Variants in DPP10 observed in about 807,000 individuals in gnomAD.
DPP10 encodes the protein inactive dipeptidyl peptidase 10.
In DPP10, 33 loss-of-function variants were observed where a neutral mutation model predicts 120.9. The ratio of observed to expected loss-of-function variants is 0.27; its 90% CI spans 0.21 to 0.37. DPP10 has a LOEUF of 0.37. Among genes scored for constraint, DPP10 ranks in the 10% least tolerant of loss-of-function variants. The pLI is 1.00. For missense variants in DPP10, 816 were observed against 942.8 expected, an observed-to-expected ratio of 0.87 and a Z score of 1.76; for synonymous variants, 337 against 326.1, an observed-to-expected ratio of 1.03 and a Z score of -0.36.
chr2:115,513,765 G>A (rs2077357176), intron 4 of DPP10, among the ~76,000 whole-genome samples: 1 of 151,902 alleles, frequency 6.6e-6, no homozygotes, highest in South Asian at 2.1e-4. Context: ...ATGCAGCTAT[G>A]TTCTAAAACA....
chr2:114,445,873 G>A (rs1293859989), intron 1 of DPP10, among the ~76,000 whole-genome samples: 1 of 152,100 alleles, frequency 6.6e-6, no homozygotes, highest in Non-Finnish European at 1.5e-5. Flanking sequence ...GAGTCAAATA[G>A]GGGTGCCAAG....
chr2:115,395,004 C>G (rs1462386617), intron 3 of DPP10, among the ~76,000 whole-genome samples: 1 of 152,152 alleles, frequency 6.6e-6, no homozygotes. Context: ...TCATTGTAGA[C>G]AAAAGTTTAT....
intron 19 of DPP10, among the ~76,000 whole-genome samples, chr2:115,810,122 A>C (rs1226671994): frequency 6.6e-6 from 1 of 151,868 alleles, no homozygotes; most frequent in African/African-American, 2.4e-5. Context: ...AGATCGCACC[A>C]CTGCACTCCA....
At chr2:115,105,548 C>G (rs1343915920) in intron 1 of DPP10, among the ~76,000 whole-genome samples, 1 of 152,110 alleles carries the variant, frequency 6.6e-6, no homozygotes, top group Non-Finnish European at 1.5e-5. Flanking sequence ...AGCACCAAGT[C>G]ATTCATGAGG....
intron 1 of DPP10, among the ~76,000 whole-genome samples, chr2:114,709,875 G>A (rs1700912835): frequency 6.6e-6 from 1 of 152,164 alleles, no homozygotes; most frequent in Non-Finnish European, 1.5e-5. Context: ...TTGGAAGGAT[G>A]AGAGCTTTAA....
intron 1 of DPP10, among the ~76,000 whole-genome samples, chr2:115,274,919 G>T (rs978008975): frequency 6.6e-6 from 1 of 152,134 alleles, no homozygotes; most frequent in Non-Finnish European, 1.5e-5. Flanking sequence ...TCTTCTGTAA[G>T]ATCACTTGTG....
chr2:115,590,782 C>T (rs1470571940), intron 5 of DPP10, among the ~76,000 whole-genome samples: 4 of 152,212 alleles, frequency 2.6e-5, no homozygotes, highest in African/African-American at 9.6e-5. Context: ...AAAGTCCCAC[C>T]AGCAGTGTAA....
In DPP10 at chr2:114,497,264, TACATGTACATGTATAC is replaced by T. The variant is rs1682662934; in HGVS notation, c.60+54427_60+54442del. ...ACATGTGTATGCATGTACGTGTGTA[TACATGTACATGTATAC>T]GTGTATACATGTACATGTATACGTG... On this transcript the variant is annotated intron_variant, in intron 1 of 25. Coordinates refer to ENST00000410059, the MANE Select transcript of DPP10 (RefSeq NM_020868.6). Among the ~76,000 whole-genome samples the T allele has an allele frequency of 6.9e-5, 7 of 101,154 alleles. No homozygotes were observed. In the Admixed American group the frequency reaches 7.6e-4, roughly 11 times the overall value. 66.4% of individuals were successfully genotyped at this position (101,154 alleles called of 152,430 possible). A position where few individuals can be genotyped will look rare whatever the true frequency, so the allele number is the denominator to read the frequency against.
intron 2 of DPP10, among the ~76,000 whole-genome samples, chr2:115,339,025 C>T (rs982053273): frequency 7.9e-5 from 12 of 152,198 alleles, no homozygotes; most frequent in Admixed American, 7.9e-4. Flanking sequence ...AACTTACAGA[C>T]TGGAGGGAAA....
chr2:114,658,643 G>T (rs1401662280), intron 1 of DPP10, among the ~76,000 whole-genome samples: 1 of 152,116 alleles, frequency 6.6e-6, no homozygotes, highest in Admixed American at 6.6e-5. Flanking sequence ...ACACATATAA[G>T]ACTGCAAAGC....
intron 1 of DPP10, among the ~76,000 whole-genome samples, chr2:115,141,966 C>T (rs10180418): frequency 5.6e-4 from 85 of 152,160 alleles, no homozygotes; most frequent in African/African-American, 1.9e-3. Flanking sequence ...TAGAGACAGG[C>T]TTTCGCCAGG....
intron 3 of DPP10, among the ~76,000 whole-genome samples, chr2:115,413,852 G>A (rs1194422800): frequency 6.6e-6 from 1 of 152,192 alleles, no homozygotes; most frequent in Non-Finnish European, 1.5e-5. Context: ...AATTTCAGCT[G>A]CCTGTGTTTG....
intron 1 of DPP10, among the ~76,000 whole-genome samples, chr2:115,079,012 T>G (rs1408949509): frequency 6.6e-6 from 1 of 152,160 alleles, no homozygotes; most frequent in Non-Finnish European, 1.5e-5. Flanking sequence ...TTCAATAATT[T>G]AACATTCACA....
chr2:115,356,125 G>C (rs962898717), intron 3 of DPP10, among the ~76,000 whole-genome samples: 11 of 150,274 alleles, frequency 7.3e-5, no homozygotes, highest in African/African-American at 2.7e-4. Flanking sequence ...GAATAGCATT[G>C]AATCTATAAA....
intron 1 of DPP10, among the ~76,000 whole-genome samples, chr2:114,699,011 T>C (rs908678058): frequency 6.6e-5 from 10 of 152,100 alleles, no homozygotes; most frequent in Admixed American, 6.6e-4. Flanking sequence ...TATAGAAAAG[T>C]ACCTATTTTT....
At position 114,849,125 on chromosome 2, in the gene DPP10, C is replaced by G. The variant is rs557263634; in HGVS notation, c.60+406287C>G. Among the ~76,000 whole-genome samples, 112 of 152,234 alleles carry G rather than the reference C, an allele frequency of 7.4e-4. No homozygotes were observed. The Middle Eastern group carries it at 0.017, about 23-fold the overall frequency. ...TCTTAGTGCCCATATTTACTTTTGC[C>G]TCCTCAGCCCTGGATTAACTGGATA... On this transcript the variant is annotated intron_variant, in intron 1 of 25. Transcript: ENST00000410059.
At chr2:114,973,194 G>A (rs568653535) in intron 1 of DPP10, among the ~76,000 whole-genome samples, 7 of 151,988 alleles carry the variant, frequency 4.6e-5, no homozygotes, top group East Asian at 1.9e-4. Context: ...TGAATTTCTC[G>A]TGTGAGTGAT....
chr2:115,009,347 C>T (rs911486093), intron 1 of DPP10, among the ~76,000 whole-genome samples: 1 of 150,762 alleles, frequency 6.6e-6, no homozygotes, highest in East Asian at 2.0e-4. Context: ...CCAAACACCA[C>T]ATATTCTCAC....
intron 1 of DPP10, among the ~76,000 whole-genome samples, chr2:114,905,404 T>G (rs1250271723): frequency 6.6e-6 from 1 of 152,200 alleles, no homozygotes; most frequent in Non-Finnish European, 1.5e-5. Context: ...TTTGGATTAA[T>G]TTATTCCTAA....
Sources: gnomAD v4.1 joint callset for allele counts (sites outside exome capture counted in the v4.1 genomes callset) on GRCh38, gnomAD v4.1.1 for gene constraint, MANE v1.5 for transcripts, NCBI Gene and HGNC (gene_info 2026-07-23, HGNC 2026-07-21) for gene names.